NRG1: variants seen among roughly 807,000 people sequenced by gnomAD.
The protein encoded by NRG1 is neuregulin 1, also known as pro-neuregulin-1, membrane-bound isoform.
NRG1 carries 18 observed loss-of-function variants against 63.8 expected under a neutral mutation model. The ratio of observed to expected loss-of-function variants is 0.28; its 90% CI spans 0.19 to 0.42. The LOEUF is 0.42. Ranked by LOEUF, NRG1 falls within the 10% of genes least tolerant of loss-of-function variation. NRG1 has a pLI of 1.00. For synonymous variants in NRG1, 302 were observed against 301.3 expected (o/e 1.00, Z -0.02); for missense variants, 762 against 814.7 (o/e 0.94, Z 0.79).
intron 1 of NRG1, among the ~76,000 whole-genome samples, chr8:32,529,909 A>G (rs941545699): frequency 5.9e-5 from 9 of 152,226 alleles, no homozygotes; most frequent in Admixed American, 2.6e-4. Context: ...TAAAAAGGAT[A>G]GTAAATACAT....
At chr8:32,376,531 T>C (rs554407907) in intron 1 of NRG1, among the ~76,000 whole-genome samples, 1 of 152,192 alleles carries the variant, frequency 6.6e-6, no homozygotes, top group African/African-American at 2.4e-5. Context: ...CAGAGGTTAA[T>C]ACATATGCTT....
chr8:32,171,638 A>G (rs1472462116), intron 1 of NRG1, among the ~76,000 whole-genome samples: 2 of 152,054 alleles, frequency 1.3e-5, no homozygotes, highest in East Asian at 3.9e-4. Flanking sequence ...AAATCGGGTC[A>G]CTCCCACCCT....
At chr8:32,410,763 C>G (rs1296283739) in intron 1 of NRG1, among the ~76,000 whole-genome samples, 1 of 152,206 alleles carries the variant, frequency 6.6e-6, no homozygotes, top group Non-Finnish European at 1.5e-5. Context: ...TAGTGGGACA[C>G]CAGCCTTCTG....
intron 1 of NRG1, among the ~76,000 whole-genome samples, chr8:31,687,369 A>C (rs1809012959): frequency 6.6e-6 from 1 of 152,236 alleles, no homozygotes; most frequent in Non-Finnish European, 1.5e-5. Flanking sequence ...TGAGACATTC[A>C]GTAGCCTTGT....
chr8:31,954,360 T>G (rs2129624010), intron 1 of NRG1, among the ~76,000 whole-genome samples: 1 of 152,222 alleles, frequency 6.6e-6, no homozygotes, highest in South Asian at 2.1e-4. Context: ...GAGAGAGAGG[T>G]TGAAGAAAAG....
At chr8:32,077,375 C>G (rs546148901) in intron 1 of NRG1, among the ~76,000 whole-genome samples, 4 of 151,902 alleles carry the variant, frequency 2.6e-5, no homozygotes, top group African/African-American at 7.3e-5. Context: ...CCCTCCCCCC[C>G]AAAAAATTGT....
chr8:32,442,163 C>A (rs1819633056), intron 1 of NRG1, among the ~76,000 whole-genome samples: 2 of 152,198 alleles, frequency 1.3e-5, no homozygotes, highest in Admixed American at 1.3e-4. Context: ...GGAGAACACA[C>A]AGCTGCTCCA....
At chr8:31,775,391 G>T (rs1819018966) in intron 1 of NRG1, among the ~76,000 whole-genome samples, 1 of 152,118 alleles carries the variant, frequency 6.6e-6, no homozygotes, top group African/African-American at 2.4e-5. Flanking sequence ...GATAAACAAT[G>T]GGTGTACATA....
chr8:31,663,628 T>C (rs4571696), intron 1 of NRG1, among the ~76,000 whole-genome samples: 144,807 of 152,280 alleles, frequency 0.95, 69,254 homozygotes, highest in East Asian at 1. Flanking sequence ...TTCCCCCAAA[T>C]GTCATATACT....
In NRG1 at chr8:31,772,601, G is replaced by A. The variant is rs138756420; in HGVS notation, c.37+133170G>A. On this transcript the variant is annotated intron_variant, in intron 1 of 10. Transcript: ENST00000519301. ...TAGGTGTCAGGATGGAAAGTAGGTT[G>A]GTCTGATCAAGGGAGTCCTGTCATG... Among the ~76,000 whole-genome samples, 109 of 152,208 alleles carry A rather than the reference G, an allele frequency of 7.2e-4. 1 individual carries two copies. The highest frequency in any genetic ancestry group is 2.6e-3 in the African/African-American group (106 of 41,554).
chr8:31,761,458 A>T (rs931506331), intron 1 of NRG1, among the ~76,000 whole-genome samples: 3 of 152,238 alleles, frequency 2.0e-5, no homozygotes, highest in Admixed American at 6.5e-5. Context: ...ATAATAATAA[A>T]AAATAAATAA....
At chr8:32,428,635 A>G (rs1005005812) in intron 1 of NRG1, among the ~76,000 whole-genome samples, 2 of 152,316 alleles carry the variant, frequency 1.3e-5, no homozygotes, top group Non-Finnish European at 2.9e-5. Flanking sequence ...CCTCCAGCAA[A>G]TTCCTAGAAC....
intron 1 of NRG1, among the ~76,000 whole-genome samples, chr8:32,368,233 G>C (rs919445626): frequency 6.6e-6 from 1 of 152,168 alleles, no homozygotes; most frequent in African/African-American, 2.4e-5. Context: ...AGTAGCTTCT[G>C]AGTAATGAAG....
intron 1 of NRG1, among the ~76,000 whole-genome samples, chr8:32,219,980 C>T (rs1437701442): frequency 6.6e-6 from 1 of 152,036 alleles, no homozygotes. Context: ...GAGACACACC[C>T]CCGGCTGTCA....
intron 1 of NRG1, among the ~76,000 whole-genome samples, chr8:32,439,782 T>C (rs891372219): frequency 1.5e-4 from 22 of 151,700 alleles, no homozygotes; most frequent in Middle Eastern, 3.4e-3. Context: ...TTTTTTTTTT[T>C]TTTTTTGAGG....
intron 1 of NRG1, among the ~76,000 whole-genome samples, chr8:32,396,678 C>A (rs1812475746): frequency 6.6e-6 from 1 of 152,130 alleles, no homozygotes; most frequent in Admixed American, 6.6e-5. Context: ...GAACTCCTGA[C>A]CTCAGGTGGT....
At chr8:32,548,090 C>A, upstream of NRG1, 1 of 496,806 alleles carries the variant, frequency 2.0e-6, no homozygotes. Flanking sequence ...CGCGCCGCCA[C>A]CCCCCGCCCG....
intron 1 of NRG1, among the ~76,000 whole-genome samples, chr8:32,204,329 T>C (rs751670675): frequency 7.2e-5 from 11 of 152,236 alleles, no homozygotes; most frequent in Non-Finnish European, 1.6e-4. Context: ...AGATGGCTCT[T>C]ATTGTATCAT....
intron 1 of NRG1, among the ~76,000 whole-genome samples, chr8:32,569,530 A>G (rs546970628): frequency 6.6e-6 from 1 of 152,280 alleles, no homozygotes; most frequent in South Asian, 2.1e-4. Flanking sequence ...AGAAAAGATT[A>G]TATAGTAGAC....
Sources: gnomAD v4.1 joint callset for allele counts (sites outside exome capture counted in the v4.1 genomes callset) on GRCh38, gnomAD v4.1.1 for gene constraint, MANE v1.5 for transcripts, NCBI Gene and HGNC (gene_info 2026-07-23, HGNC 2026-07-21) for gene names.